The following PCGF5 variants were observed in gnomAD, a reference collection of about 807,000 sequenced individuals.
The protein encoded by PCGF5 is polycomb group RING finger protein 5.
A neutral mutation model predicts 44.3 loss-of-function variants in PCGF5; 9 were observed. The observed-to-expected ratio is 0.20, with a 90% CI of 0.12 to 0.35. The LOEUF (loss-of-function observed/expected upper bound fraction) is 0.35, where lower values mean the gene tolerates loss of function less well. Among genes scored for constraint, PCGF5 ranks in the 10% least tolerant of loss-of-function variants. The probability of loss-of-function intolerance (pLI) is 1.00; values close to 1 mark genes in which losing one functional copy is unlikely to be tolerated. For missense variants in PCGF5, 146 were observed against 305.3 expected, an observed-to-expected ratio of 0.48 and a Z score of 3.89; for synonymous variants, 95 against 102.5, an observed-to-expected ratio of 0.93 and a Z score of 0.44.
At chr10:91,253,170 C>T (rs1038195517) in intron 6 of PCGF5, among the ~76,000 whole-genome samples, 2 of 151,942 alleles carry the variant, frequency 1.3e-5, no homozygotes, top group Admixed American at 6.6e-5. Context: ...GTGGCTTCAA[C>T]TACGCAAAGG....
At chr10:91,271,796 A>G in intron 9 of PCGF5, 99 bp downstream of exon 9, 1 of 997,996 alleles carries the variant, frequency 1.0e-6, no homozygotes, top group Non-Finnish European at 1.5e-6. Context: ...ACTTTGTAAA[A>G]CTGTTACTGG....
intron 1 of PCGF5, among the ~76,000 whole-genome samples, chr10:91,164,033 C>T (rs1237052830): frequency 1.3e-5 from 2 of 152,264 alleles, no homozygotes; most frequent in African/African-American, 4.8e-5. Flanking sequence ...ATAGTACACC[C>T]GGAACGTGTG....
chr10:91,242,778 C>T (rs1210912359), intron 3 of PCGF5, among the ~76,000 whole-genome samples: 1 of 152,086 alleles, frequency 6.6e-6, no homozygotes, highest in African/African-American at 2.4e-5. Flanking sequence ...GGGTAAGTTA[C>T]ATGTGTCATG....
At chr10:91,195,010 G>A (rs968019478) in intron 1 of PCGF5, among the ~76,000 whole-genome samples, 4 of 152,106 alleles carry the variant, frequency 2.6e-5, no homozygotes, top group Admixed American at 2.6e-4. Context: ...TAGATGTGGT[G>A]AGAGTGTGTG....
intron 1 of PCGF5, among the ~76,000 whole-genome samples, chr10:91,171,920 A>G (rs1230824626): frequency 6.6e-6 from 1 of 152,184 alleles, no homozygotes; most frequent in Non-Finnish European, 1.5e-5. Flanking sequence ...TGTCTTTAAA[A>G]CTATGGAATA....
chr10:91,270,392 A>AG (rs397766167), intron 8 of PCGF5, among the ~76,000 whole-genome samples: 1 of 151,840 alleles, frequency 6.6e-6, no homozygotes, highest in Non-Finnish European at 1.5e-5. Context: ...AAAAAAAAAA[A>AG]GAATCACTTA....
intron 3 of PCGF5, among the ~76,000 whole-genome samples, chr10:91,243,706 G>A (rs1180482345): frequency 1.3e-5 from 2 of 151,944 alleles, no homozygotes; most frequent in East Asian, 3.9e-4. Context: ...AAAACCTGAA[G>A]CAGTGTAAAT....
chr10:91,247,762 A>T (rs1459013271), intron 3 of PCGF5, among the ~76,000 whole-genome samples: 1 of 152,232 alleles, frequency 6.6e-6, no homozygotes, highest in African/African-American at 2.4e-5. Flanking sequence ...AGGAATGGAG[A>T]TTATTTCCTT....
At chr10:91,163,426 C>G in intron 1 of PCGF5, among the ~76,000 whole-genome samples, 1 of 151,998 alleles carries the variant, frequency 6.6e-6, no homozygotes, top group African/African-American at 2.4e-5. Context: ...GCAGCGGCTC[C>G]CTGGCTGGAG....
At chr10:91,187,326 A>T (rs1843944578) in intron 1 of PCGF5, among the ~76,000 whole-genome samples, 1 of 152,116 alleles carries the variant, frequency 6.6e-6, no homozygotes, top group South Asian at 2.1e-4. Flanking sequence ...TTTTGCTGTG[A>T]TAGATAAAGA....
upstream of PCGF5, among the ~76,000 whole-genome samples, chr10:91,219,871 T>G (rs1188561528): frequency 6.6e-6 from 1 of 152,222 alleles, no homozygotes; most frequent in African/African-American, 2.4e-5. Context: ...GTTTGCCACT[T>G]AGAGTCATCT....
At chr10:91,253,574 T>A (rs991685549) in intron 6 of PCGF5, among the ~76,000 whole-genome samples, 2 of 152,098 alleles carry the variant, frequency 1.3e-5, no homozygotes, top group African/African-American at 4.8e-5. Flanking sequence ...CTGCTGTCTT[T>A]CAGCCAATCA....
At chr10:91,189,291 C>G (rs529805354) in intron 1 of PCGF5, among the ~76,000 whole-genome samples, 2 of 152,224 alleles carry the variant, frequency 1.3e-5, no homozygotes, top group African/African-American at 4.8e-5. Flanking sequence ...GTTCTGTCCC[C>G]ATTTTTCCAT....
intron 8 of PCGF5, among the ~76,000 whole-genome samples, chr10:91,264,976 A>C (rs1179822655): frequency 6.6e-6 from 1 of 152,128 alleles, no homozygotes; most frequent in Non-Finnish European, 1.5e-5. Flanking sequence ...TTCGTTGAAA[A>C]TATAAACTCG....
upstream of PCGF5, among the ~76,000 whole-genome samples, chr10:91,218,492 G>C (rs75754021): frequency 0.023 from 3,515 of 152,238 alleles, 64 homozygotes; most frequent in South Asian, 0.07. Context: ...TAAGTAACTG[G>C]TAAGGAGCCC....
Position 91,251,361 on chromosome 10 carries a change from A to G in PCGF5, c.395A>G (p.Tyr132Cys). 1 of 1,611,252 alleles carries G rather than the reference A, an allele frequency of 6.2e-7. No homozygotes were observed. Among genetic ancestry groups the G allele is most frequent in the Non-Finnish European group, 8.5e-7 (1 of 1,178,092 alleles). The change falls in exon 6 of 10, where the codon TAT (tyrosine) becomes TGT (cysteine). Residue 132 changes from tyrosine (Y) to cysteine (C), a missense_variant. Coordinates refer to ENST00000336126, the MANE Select transcript of PCGF5 (RefSeq NM_032373.5). ...EGDENEDDKD[Y>C]HRSDPQIAIC... Reference sequence around the variant, plus strand: ...GATGAAAATGAAGATGATAAAGATTATCACAGAAGTGACCCACAAATTGCT... The same window carrying G: ...GATGAAAATGAAGATGATAAAGATTGTCACAGAAGTGACCCACAAATTGCT...
chr10:91,162,324 G>A (rs1245181173), upstream of PCGF5, among the ~76,000 whole-genome samples: 1 of 149,562 alleles, frequency 6.7e-6, no homozygotes, highest in East Asian at 2.0e-4. Context: ...GGTGGGGTGG[G>A]GGGACTTTGC....
At chr10:91,262,212 G>T (rs979530373) in intron 7 of PCGF5, among the ~76,000 whole-genome samples, 1 of 152,096 alleles carries the variant, frequency 6.6e-6, no homozygotes, top group Admixed American at 6.6e-5. Context: ...GGTCACTCAA[G>T]GTCAGGAGTT....
At chr10:91,181,949 C>G (rs1251910885) in intron 1 of PCGF5, among the ~76,000 whole-genome samples, 1 of 152,052 alleles carries the variant, frequency 6.6e-6, no homozygotes, top group Non-Finnish European at 1.5e-5. Flanking sequence ...GGTAGCAGCT[C>G]TTCTTTGTAC....
Sources: gnomAD v4.1 joint callset for allele counts (sites outside exome capture counted in the v4.1 genomes callset) on GRCh38, gnomAD v4.1.1 for gene constraint, MANE v1.5 for transcripts, NCBI Gene and HGNC (gene_info 2026-07-23, HGNC 2026-07-21) for gene names.